NEXMIF: variants seen among roughly 807,000 people sequenced by gnomAD.
The protein encoded by NEXMIF is XLMR protein related to neurite extension.
NEXMIF carries 8 observed loss-of-function variants against 62.1 expected under a neutral mutation model. That is an observed-to-expected ratio of 0.13 (90% CI 0.08 to 0.23). The LOEUF is 0.23. NEXMIF is among the 10% of genes least tolerant of loss of function. The pLI, the probability that NEXMIF is intolerant of heterozygous loss-of-function variation, is 1.00. For synonymous variants in NEXMIF, 404 were observed against 416.6 expected (o/e 0.97, Z 0.37); for missense variants, 976 against 1,113.3 (o/e 0.88, Z 1.75).
chrX:74,874,520 T>G (rs1397309530), intron 1 of NEXMIF, among the ~76,000 whole-genome samples: 1 of 107,709 alleles, frequency 9.3e-6, no homozygotes, highest in South Asian at 4.2e-4. Flanking sequence ...CTTTTTCCAA[T>G]TCTGTGAAGA....
rs1439277029 is a variant in NEXMIF, at chrX:74,735,900, C to G, written c.*3505G>C. The G allele has an allele frequency of 3.6e-5, 4 of 111,613 alleles. No homozygotes were observed. The highest frequency in any genetic ancestry group is 1.3e-4 in the African/African-American group (4 of 30,631). The allele number at this position is 111,613 out of a possible 1,213,427, so 9.2% of individuals were successfully genotyped here. On this transcript the variant is annotated 3_prime_UTR_variant, in exon 4 of 4. Coordinates refer to ENST00000055682, the MANE Select transcript of NEXMIF (RefSeq NM_001008537.3). Reference sequence around the variant, plus strand: ...AAACATGACCCCCAAAGTCTCAATACCCTTCTCCATATAATATAGCACCTA... The same window carrying G: ...AAACATGACCCCCAAAGTCTCAATAGCCTTCTCCATATAATATAGCACCTA...
At chrX:74,890,641 G>C (rs1414432236) in intron 1 of NEXMIF, among the ~76,000 whole-genome samples, 1 of 111,693 alleles carries the variant, frequency 9.0e-6, no homozygotes, top group Non-Finnish European at 1.9e-5. Context: ...GCAGCCACAT[G>C]GGACAAATAC....
intron 1 of NEXMIF, among the ~76,000 whole-genome samples, chrX:74,835,329 A>G (rs1477335663): frequency 9.0e-6 from 1 of 111,331 alleles, no homozygotes; most frequent in Non-Finnish European, 1.9e-5. Flanking sequence ...TCGTTTGATG[A>G]GCTCATGTTT....
intron 1 of NEXMIF, among the ~76,000 whole-genome samples, chrX:74,917,001 T>C (rs1402889137): frequency 8.9e-6 from 1 of 111,988 alleles, no homozygotes; most frequent in African/African-American, 3.3e-5. Flanking sequence ...AGTCTTAGGG[T>C]TCTATTAACC....
At position 74,925,389 on chromosome X, in the gene NEXMIF, TACTGCTGTG is replaced by T. The variant is rs2080841296; in HGVS notation, c.-563_-555del. 2.1e-5 allele frequency: 4 copies of T among 188,897 alleles called. No homozygotes were observed. In the South Asian group the frequency reaches 2.7e-4, roughly 13 times the overall value. 15.6% of individuals were successfully genotyped at this position (188,897 alleles called of 1,213,427 possible). ...TAAATGCTGCTACTGCCGCTAATGCTACTGCTGTGGCGGCGGTGGTGGCGGCGGCGGCTG... is the reference window on the plus strand; with the variant it reads ...TAAATGCTGCTACTGCCGCTAATGCTGCGGCGGTGGTGGCGGCGGCGGCTG... On this transcript the variant is annotated 5_prime_UTR_variant, in exon 1 of 4. Coordinates refer to ENST00000055682, the MANE Select transcript of NEXMIF (RefSeq NM_001008537.3).
chrX:74,898,562 T>C (rs1471241400), intron 1 of NEXMIF, among the ~76,000 whole-genome samples: 2 of 111,769 alleles, frequency 1.8e-5, no homozygotes, highest in Non-Finnish European at 3.8e-5. Flanking sequence ...AATTATAATA[T>C]ATCAATATCA....
intron 1 of NEXMIF, among the ~76,000 whole-genome samples, chrX:74,914,975 C>T (rs1028795039): frequency 1.8e-5 from 2 of 112,194 alleles, no homozygotes; most frequent in African/African-American, 6.5e-5. Context: ...ATATAAAAAT[C>T]TTGAAATGAT....
At chrX:74,830,615 T>C (rs1252131014) in intron 1 of NEXMIF, among the ~76,000 whole-genome samples, 2 of 112,115 alleles carry the variant, frequency 1.8e-5, no homozygotes, top group African/African-American at 3.2e-5. Flanking sequence ...TGATAAGGAT[T>C]GCATTGAATC....
At chrX:74,776,257 T>A (rs2080228094) in intron 1 of NEXMIF, among the ~76,000 whole-genome samples, 1 of 111,912 alleles carries the variant, frequency 8.9e-6, no homozygotes, top group South Asian at 3.7e-4. Flanking sequence ...TGAATGGCAA[T>A]AAACAGCTCT....
intron 1 of NEXMIF, among the ~76,000 whole-genome samples, chrX:74,912,161 C>G (rs2080792457): frequency 9.0e-6 from 1 of 111,622 alleles, no homozygotes; most frequent in Non-Finnish European, 1.9e-5. Context: ...GCCAACAAGT[C>G]AACACAGAGC....
rs1314764498 is a variant in NEXMIF, at chrX:74,737,979, A to G, written c.*1426T>C. On this transcript the variant is annotated 3_prime_UTR_variant, in exon 4 of 4. Transcript: ENST00000055682. ...TCTACAAAGCGCTCTCACATCCATTATCTCATCTGTGCCATAATGCATCAG... is the reference window on the plus strand; with the variant it reads ...TCTACAAAGCGCTCTCACATCCATTGTCTCATCTGTGCCATAATGCATCAG... The G allele has an allele frequency of 9.0e-6, 1 of 111,334 alleles. No individual in the cohort carries two copies. The highest frequency in any genetic ancestry group is 1.9e-5 in the Non-Finnish European group (1 of 53,109). 9.2% of individuals were successfully genotyped at this position (111,334 alleles called of 1,213,427 possible). A position where few individuals can be genotyped will look rare whatever the true frequency, so the allele number is the denominator to read the frequency against.
intron 1 of NEXMIF, among the ~76,000 whole-genome samples, chrX:74,800,207 TC>T (rs1048044017): frequency 4.5e-5 from 5 of 111,516 alleles, no homozygotes; most frequent in African/African-American, 1.6e-4. Flanking sequence ...CTCCCTTCTT[TC>T]TGGGCCTGTT....
chrX:74,835,539 T>A (rs2080453480), intron 1 of NEXMIF, among the ~76,000 whole-genome samples: 1 of 112,046 alleles, frequency 8.9e-6, no homozygotes, highest in African/African-American at 3.2e-5. Flanking sequence ...ACCTTGGTGG[T>A]CTTAAATAAA....
chrX:74,744,389 C>A lies in NEXMIF; in HGVS notation c.168G>T (p.Glu56Asp). ...GGAGACCTCTGGGATACATCAGGGTCTCTTTTTGTGCCACCGGTGTAGGCT... is the reference window on the plus strand; with the variant it reads ...GGAGACCTCTGGGATACATCAGGGTATCTTTTTGTGCCACCGGTGTAGGCT... ...PIQPTPVAQK[E>D]TLMYPRGLLP... The change falls in exon 3 of 4, where the codon GAG becomes GAT. Residue 56 changes from glutamate to aspartate, a missense_variant. Glu to Asp is a conservative substitution (Grantham distance 45). Around this residue, in one of 5 missense-constraint regions of NEXMIF, gnomAD observed 126 missense variants for 146.5 expected, o/e 0.86. Coordinates refer to ENST00000055682, the MANE Select transcript of NEXMIF (RefSeq NM_001008537.3). 1.7e-6 allele frequency: 2 copies of A among 1,210,356 alleles called. No homozygotes were observed. Among genetic ancestry groups the A allele is most frequent in the Non-Finnish European group, 2.2e-6 (2 of 894,681 alleles).
In NEXMIF at chrX:74,876,072, T is replaced by TTTAA. The variant is rs763193186; in HGVS notation, c.-48+48810_-48+48811insTTAA. The stretch of plus-strand genomic sequence containing the variant: ...TGTTTGCTCTTGCTTTTCTAGTTCC[T>TTTAA]TTGTGATGTTAGGGTGTCAATTTTG... On this transcript the variant is annotated intron_variant, in intron 1 of 3. Coordinates refer to ENST00000055682, the MANE Select transcript of NEXMIF (RefSeq NM_001008537.3). Among the ~76,000 whole-genome samples, 365 of 109,471 alleles carry TTTAA rather than the reference T, an allele frequency of 3.3e-3. 2 individuals carry two copies. Among genetic ancestry groups the TTTAA allele is most frequent in the African/African-American group, 0.011 (331 of 30,362 alleles).
Position 74,890,495 on chromosome X carries a change from T to C in NEXMIF, c.-48+34388A>G, listed in dbSNP as rs751185379. 2.7e-5 allele frequency among the ~76,000 whole-genome samples: 3 copies of C among 111,065 alleles called. No homozygotes were observed. The East Asian group carries it at 8.5e-4, about 32-fold the overall frequency. ...AGTCCTAGACAAAAATAAAAAAACT[T>C]AAAAAGAGAAACTCCAATATTAAAT... On this transcript the variant is annotated intron_variant, in intron 1 of 3. Coordinates refer to ENST00000055682, the MANE Select transcript of NEXMIF (RefSeq NM_001008537.3).
Position 74,794,288 on chromosome X carries a change from G to A in NEXMIF, c.-47-48591C>T, listed in dbSNP as rs1001080616. On this transcript the variant is annotated intron_variant, in intron 1 of 3. Coordinates refer to ENST00000055682, the MANE Select transcript of NEXMIF (RefSeq NM_001008537.3). ...GGGGTGCCTCCCAGTTAGGCTGCTCGGGGGTCAGGGGTCAGGGACCCACTT... is the reference window on the plus strand; with the variant it reads ...GGGGTGCCTCCCAGTTAGGCTGCTCAGGGGTCAGGGGTCAGGGACCCACTT... Among the ~76,000 whole-genome samples, 13 of 106,715 alleles carry A rather than the reference G, an allele frequency of 1.2e-4. No homozygotes were observed. In the South Asian group the frequency reaches 2.2e-3, roughly 18 times the overall value. 92.7% of individuals were successfully genotyped at this position (106,715 alleles called of 115,157 possible). A position where few individuals can be genotyped will look rare whatever the true frequency, so the allele number is the denominator to read the frequency against.
chrX:74,923,178 C>A (rs774483677), intron 1 of NEXMIF, among the ~76,000 whole-genome samples: 4 of 111,576 alleles, frequency 3.6e-5, no homozygotes, highest in Non-Finnish European at 5.6e-5. Flanking sequence ...TCCCAGGTTA[C>A]GCAGTGTGGG....
chrX:74,856,962 C>T lies in NEXMIF; in HGVS notation c.-48+67921G>A, dbSNP rs146383879. Among the ~76,000 whole-genome samples the T allele has an allele frequency of 4.3e-3, 479 of 112,265 alleles. 1 individual carries two copies. Among genetic ancestry groups the T allele is most frequent in the African/African-American group, 0.015 (456 of 30,963 alleles). ...GCAGCTGACACTTACCCATGGAGAA[C>T]GCATGTAGAGCAGCCCTAACTAGAA... On this transcript the variant is annotated intron_variant, in intron 1 of 3. Transcript: ENST00000055682.
Sources: gnomAD v4.1 joint callset for allele counts (sites outside exome capture counted in the v4.1 genomes callset) on GRCh38, gnomAD v4.1.1 for gene constraint, gnomAD v4.1.1 regional missense constraint, MANE v1.5 for transcripts, NCBI Gene and HGNC (gene_info 2026-07-23, HGNC 2026-07-21) for gene names.